Variants in ENTREP2 observed in about 807,000 individuals in gnomAD.
ENTREP2 encodes the protein endosomal transmembrane epsin interactor 2.
chr15:29,639,715 A>C, the ENTREP2 span, among the ~76,000 whole-genome samples: 1 of 152,072 alleles, frequency 6.6e-6, no homozygotes, highest in Non-Finnish European at 1.5e-5. Flanking sequence ...ATGAAATAAC[A>C]ATTAGAAAAA....
the ENTREP2 span, among the ~76,000 whole-genome samples, chr15:29,615,275 C>T: frequency 6.6e-6 from 1 of 152,032 alleles, no homozygotes; most frequent in African/African-American, 2.4e-5. Context: ...GCTGCCTCAG[C>T]TTCCTGAGTA....
chr15:29,201,499 T>A, the ENTREP2 span, among the ~76,000 whole-genome samples: 4 of 152,234 alleles, frequency 2.6e-5, no homozygotes, highest in African/African-American at 9.6e-5. Flanking sequence ...CTTGAGTTTG[T>A]CAAATGCTTT....
chr15:29,159,284 TCCCG>T, the ENTREP2 span, among the ~76,000 whole-genome samples: 1 of 152,152 alleles, frequency 6.6e-6, no homozygotes, highest in Non-Finnish European at 1.5e-5. Flanking sequence ...TGCTCATTCC[TCCCG>T]ATAGGTTCGT....
the ENTREP2 span, among the ~76,000 whole-genome samples, chr15:29,145,666 G>T: frequency 7.8e-6 from 1 of 128,798 alleles, no homozygotes; most frequent in Non-Finnish European, 1.6e-5. Flanking sequence ...ACTAGGAATA[G>T]AAGGGAACTT....
chr15:29,474,382 C>T, the ENTREP2 span, among the ~76,000 whole-genome samples: 1 of 152,124 alleles, frequency 6.6e-6, no homozygotes, highest in Admixed American at 6.5e-5. Context: ...CACAGATCAG[C>T]CCTTCAGAAA....
the ENTREP2 span, among the ~76,000 whole-genome samples, chr15:29,541,567 C>T: frequency 2.6e-5 from 4 of 152,078 alleles, no homozygotes; most frequent in East Asian, 1.9e-4. Context: ...CTGGGTGAGA[C>T]GTGAAGCATA....
chr15:29,427,486 A>G, the ENTREP2 span, among the ~76,000 whole-genome samples: 3 of 152,310 alleles, frequency 2.0e-5, no homozygotes, highest in African/African-American at 7.2e-5. Flanking sequence ...TTGGGTTGGT[A>G]GGACTGAGCT....
the ENTREP2 span, among the ~76,000 whole-genome samples, chr15:29,435,927 G>A: frequency 6.6e-6 from 1 of 152,064 alleles, no homozygotes; most frequent in South Asian, 2.1e-4. Flanking sequence ...CATGACAGCA[G>A]AGCACAGGCA....
At chr15:29,183,172 T>G in the ENTREP2 span, among the ~76,000 whole-genome samples, 15 of 152,298 alleles carry the variant, frequency 9.8e-5, no homozygotes, top group Admixed American at 5.9e-4. Context: ...CTTTGAGTGA[T>G]GAGTCACTGA....
the ENTREP2 span, among the ~76,000 whole-genome samples, chr15:29,492,881 G>A: frequency 1.3e-5 from 2 of 151,494 alleles, no homozygotes; most frequent in African/African-American, 4.8e-5. Context: ...GCGGGCACCT[G>A]TAATCCCAGC....
the ENTREP2 span, among the ~76,000 whole-genome samples, chr15:29,455,570 A>G: frequency 3.3e-5 from 5 of 152,230 alleles, no homozygotes; most frequent in Admixed American, 1.3e-4. Context: ...GGACCTAACA[A>G]TGTTTTGCCA....
the ENTREP2 span, among the ~76,000 whole-genome samples, chr15:29,478,086 G>A: frequency 2.5e-4 from 33 of 133,982 alleles, no homozygotes; most frequent in South Asian, 2.9e-3. Flanking sequence ...GTGCAGTGGC[G>A]TGATCTCAGC....
chr15:29,385,417 T>C, the ENTREP2 span, among the ~76,000 whole-genome samples: 1 of 152,194 alleles, frequency 6.6e-6, no homozygotes, highest in Non-Finnish European at 1.5e-5. Flanking sequence ...CAATGTGCAT[T>C]TCCAAGTATC....
At chr15:29,381,305 A>T in the ENTREP2 span, among the ~76,000 whole-genome samples, 1 of 151,052 alleles carries the variant, frequency 6.6e-6, no homozygotes, top group Non-Finnish European at 1.5e-5. Context: ...AAACACAAAA[A>T]AATTAGCCGG....
chr15:29,673,808 C>G, the ENTREP2 span, among the ~76,000 whole-genome samples: 1 of 152,170 alleles, frequency 6.6e-6, no homozygotes, highest in Non-Finnish European at 1.5e-5. Context: ...ATGACAAGGA[C>G]AGCTTGGGGG....
the ENTREP2 span, among the ~76,000 whole-genome samples, chr15:29,545,429 CATT>C: frequency 2.0e-5 from 3 of 152,154 alleles, no homozygotes; most frequent in African/African-American, 7.2e-5. Context: ...TAACAGAAAA[CATT>C]ATCCTATGAA....
the ENTREP2 span, among the ~76,000 whole-genome samples, chr15:29,546,800 T>C: frequency 6.8e-6 from 1 of 147,684 alleles, no homozygotes; most frequent in African/African-American, 2.5e-5. Context: ...GGCAGAAGAA[T>C]GGCATGAACC....
At chr15:29,436,908 C>G in the ENTREP2 span, among the ~76,000 whole-genome samples, 33 of 152,190 alleles carry the variant, frequency 2.2e-4, no homozygotes, top group Non-Finnish European at 5.9e-5. Flanking sequence ...GAATTTCAAA[C>G]GGTCATATTT....
the ENTREP2 span, chr15:29,267,942 G>A: frequency 1.3e-5 from 2 of 152,170 alleles, no homozygotes; most frequent in African/African-American, 4.8e-5. Flanking sequence ...AACAGGCATG[G>A]TTAATGGTTA....
Sources: gnomAD v4.1 joint callset for allele counts (sites outside exome capture counted in the v4.1 genomes callset) on GRCh38, gnomAD v4.1.1 for gene constraint, MANE v1.5 for transcripts, NCBI Gene and HGNC (gene_info 2026-07-23, HGNC 2026-07-21) for gene names.